The following EPCAM variants were observed in gnomAD, a reference collection of about 807,000 sequenced individuals.
EPCAM encodes adenocarcinoma-associated antigen.
In EPCAM, 39 loss-of-function variants were observed where a neutral mutation model predicts 40.0. The observed-to-expected ratio is 0.98, with a 90% CI of 0.76 to 1.27. The LOEUF (loss-of-function observed/expected upper bound fraction) is 1.27, where lower values mean the gene tolerates loss of function less well. Ranked by LOEUF, EPCAM falls within the 50% of genes most tolerant of loss-of-function variation. The pLI is 0.00. For synonymous variants in EPCAM, 168 were observed against 132.3 expected (o/e 1.27, Z -1.85); for missense variants, 503 against 381.2 (o/e 1.32, Z -2.66).
At chr2:47,373,355 G>GT in intron 1 of EPCAM, 108 bp from the exon 2 acceptor site, 1 of 768,126 alleles carries the variant, frequency 1.3e-6, no homozygotes, top group South Asian at 1.6e-5. Flanking sequence ...ACTTTTTAAG[G>GT]TTTTGTGTCC....
rs2103748105 is a variant in EPCAM, at chr2:47,374,052, A to G, written c.425+4A>G. 6.2e-7 allele frequency: 1 copy of G among 1,614,144 alleles called. No homozygotes were observed. Among genetic ancestry groups the G allele is most frequent in the Non-Finnish European group, 8.5e-7 (1 of 1,179,998 alleles). The stretch of plus-strand genomic sequence containing the variant: ...GCTCTGAGCGAGTGAGAACCTAGTG[A>G]GTGGGGCTGCCTATACTACTTGTTT... On this transcript the variant is annotated splice_donor_region_variant and intron_variant, in intron 3 of 8. Coordinates refer to ENST00000263735, the MANE Select transcript of EPCAM (RefSeq NM_002354.3).
At chr2:47,386,468 A>G (rs1042208005) in intron 8 of EPCAM, 104 bp from the exon 9 acceptor site, 10 of 863,706 alleles carry the variant, frequency 1.2e-5, no homozygotes, top group Non-Finnish European at 1.5e-5. Context: ...GGAAAAAATT[A>G]TCTTGTGTTC....
In EPCAM at chr2:47,373,454, A is replaced by C; in HGVS notation, c.77-9A>C. On this transcript the variant is annotated splice_polypyrimidine_tract_variant and intron_variant, in intron 1 of 8. Coordinates refer to ENST00000263735, the MANE Select transcript of EPCAM (RefSeq NM_002354.3). The stretch of plus-strand genomic sequence containing the variant: ...CATTTTAAAGTAGATTTTTTTTTTA[A>C]TTTTCTAGAATGTGTCTGTGAAAAC... 2 of 1,580,484 alleles carry C rather than the reference A, an allele frequency of 1.3e-6. No individual in the cohort carries two copies. Among genetic ancestry groups the C allele is most frequent in the South Asian group, 1.1e-5 (1 of 89,650 alleles).
chr2:47,385,222 A>C lies in EPCAM; in HGVS notation c.903+12A>C. 1 of 1,607,784 alleles carries C rather than the reference A, an allele frequency of 6.2e-7. No individual in the cohort carries two copies. Among genetic ancestry groups the C allele is most frequent in the Non-Finnish European group, 8.5e-7 (1 of 1,174,380 alleles). On this transcript the variant is annotated intron_variant, in intron 8 of 8. Transcript: ENST00000263735. ...ATGAGAAGGCTGAGGTAAATGGATT[A>C]CTTACCTAAATAGAAAGGCCCTGTT...
At chr2:47,385,317 A>G (rs1341146429) in intron 8 of EPCAM, 107 bp downstream of exon 8, 3 of 921,622 alleles carry the variant, frequency 3.3e-6, no homozygotes, top group South Asian at 1.3e-5. Context: ...GAGTCCCTTT[A>G]TACTGTTGTC....
intron 7 of EPCAM, among the ~76,000 whole-genome samples, chr2:47,380,245 A>G (rs1342830717): frequency 6.6e-6 from 1 of 152,078 alleles, no homozygotes; most frequent in Non-Finnish European, 1.5e-5. Context: ...TGAGTCCAGG[A>G]GGTCAAAGCT....
At chr2:47,380,032 G>A (rs1372164958) in intron 7 of EPCAM, 63 bp downstream of exon 7, 2 of 1,551,838 alleles carry the variant, frequency 1.3e-6, no homozygotes, top group African/African-American at 1.4e-5. Context: ...AGTAATAGTG[G>A]CTGGGCGCGG....
At chr2:47,372,748 C>G (rs567545780) in intron 1 of EPCAM, among the ~76,000 whole-genome samples, 1 of 151,290 alleles carries the variant, frequency 6.6e-6, no homozygotes, top group African/African-American at 2.4e-5. Flanking sequence ...ATCCAGCCTG[C>G]ACGACAGAGT....
chr2:47,373,205 TAAAAAAA>T (rs777057814), intron 1 of EPCAM, among the ~76,000 whole-genome samples: 10 of 65,048 alleles, frequency 1.5e-4, no homozygotes, highest in South Asian at 5.6e-4. Flanking sequence ...ACCCTATCTT[TAAAAAAA>T]AAAAAAAAAA....
intron 5 of EPCAM, among the ~76,000 whole-genome samples, chr2:47,378,347 G>A (rs1479908658): frequency 6.8e-6 from 1 of 147,922 alleles, no homozygotes; most frequent in African/African-American, 2.5e-5. Flanking sequence ...TGTTGCCCAG[G>A]CTGGAGTGCA....
At chr2:47,385,512 T>C (rs950119429) in intron 8 of EPCAM, among the ~76,000 whole-genome samples, 1 of 152,220 alleles carries the variant, frequency 6.6e-6, no homozygotes, top group Admixed American at 6.5e-5. Context: ...GGATTCACCT[T>C]GGAGAAACTC....
At chr2:47,373,015 G>C (rs1671317097) in intron 1 of EPCAM, among the ~76,000 whole-genome samples, 1 of 151,620 alleles carries the variant, frequency 6.6e-6, no homozygotes, top group Non-Finnish European at 1.5e-5. Flanking sequence ...AAACCAGCCT[G>C]GGCAACATGG....
chr2:47,386,614 C>T lies in EPCAM; in HGVS notation c.*1C>T, dbSNP rs1671749102. 5 of 1,599,164 alleles carry T rather than the reference C, an allele frequency of 3.1e-6. No homozygotes were observed. Among genetic ancestry groups the T allele is most frequent in the Non-Finnish European group, 4.3e-6 (5 of 1,167,464 alleles). On this transcript the variant is annotated 3_prime_UTR_variant, in exon 9 of 9. Transcript: ENST00000263735. ...GATGCATAGGGAACTCAATGCATAA[C>T]TATATAATTTGAAGATTATAGAAGA...
At chr2:47,384,717 A>G (rs114612965) in intron 7 of EPCAM, among the ~76,000 whole-genome samples, 2,779 of 146,544 alleles carry the variant, frequency 0.019, 78 homozygotes, top group African/African-American at 0.066. Context: ...CACCTTATTT[A>G]TTTTTAAGAG....
intron 1 of EPCAM, among the ~76,000 whole-genome samples, chr2:47,370,477 A>G (rs1042009578): frequency 2.6e-5 from 4 of 151,712 alleles, no homozygotes; most frequent in South Asian, 2.1e-4. Flanking sequence ...GGGTTTCTCC[A>G]TGTTGGTCAG....
intron 1 of EPCAM, among the ~76,000 whole-genome samples, chr2:47,370,745 T>A (rs867974922): frequency 4.0e-5 from 6 of 151,336 alleles, no homozygotes; most frequent in African/African-American, 1.2e-4. Context: ...TATTATTATT[T>A]TTGAGACAGA....
rs2103758738 is a variant in EPCAM, at chr2:47,379,782, C to T, written c.671C>T (p.Ser224Phe). 6.2e-7 allele frequency: 1 copy of T among 1,613,230 alleles called. No homozygotes were observed. Among genetic ancestry groups the T allele is most frequent in the African/African-American group, 1.3e-5 (1 of 74,982 alleles). Residue 224 changes from serine (S) to phenylalanine (F), a missense_variant, in exon 7 of 9, where the codon TCC becomes TTC. Physicochemically the swap from Ser to Phe is radical, Grantham distance 155. Transcript: ENST00000263735. ...YYFEKDVKGE[S>F]LFHSKKMDLT... ...TTTTCAATACAGGTTAAAGGTGAAT[C>T]CTTGTTTCATTCTAAGAAAATGGAC...
chr2:47,380,770 T>C (rs1004661791), intron 7 of EPCAM, among the ~76,000 whole-genome samples: 1 of 152,144 alleles, frequency 6.6e-6, no homozygotes, highest in African/African-American at 2.4e-5. Flanking sequence ...TTTAGGAATG[T>C]AAGGATGCTT....
chr2:47,376,576 A>T (rs185771434), intron 4 of EPCAM, among the ~76,000 whole-genome samples: 22 of 152,226 alleles, frequency 1.4e-4, no homozygotes, highest in Non-Finnish European at 5.9e-5. Context: ...GTTCCCTCTT[A>T]ACTAAAAGCA....
Sources: gnomAD v4.1 joint callset for allele counts (sites outside exome capture counted in the v4.1 genomes callset) on GRCh38, gnomAD v4.1.1 for gene constraint, MANE v1.5 for transcripts, NCBI Gene and HGNC (gene_info 2026-07-23, HGNC 2026-07-21) for gene names.